Variants in GRID2 observed in about 807,000 individuals in gnomAD.
The protein encoded by GRID2 is glutamate receptor ionotropic, delta-2.
GRID2 carries 33 observed loss-of-function variants against 114.8 expected under a neutral mutation model. The ratio of observed to expected loss-of-function variants is 0.29; its 90% CI spans 0.22 to 0.38. The LOEUF (loss-of-function observed/expected upper bound fraction) is 0.38. Among genes scored for constraint, GRID2 ranks in the 10% least tolerant of loss-of-function variants. GRID2 has a pLI of 1.00. For synonymous variants in GRID2, 505 were observed against 449.9 expected (o/e 1.12, Z -1.55); for missense variants, 1,184 against 1,257.7 (o/e 0.94, Z 0.89).
At chr4:92,807,907 C>A (rs1441891986) in intron 2 of GRID2, among the ~76,000 whole-genome samples, 1 of 151,940 alleles carries the variant, frequency 6.6e-6, no homozygotes, top group Admixed American at 6.6e-5. Context: ...AATAATGTCT[C>A]CCCAATATGC....
At chr4:93,433,484 T>G (rs2149382772) in intron 10 of GRID2, among the ~76,000 whole-genome samples, 1 of 152,262 alleles carries the variant, frequency 6.6e-6, no homozygotes, top group South Asian at 2.1e-4. Context: ...CTTGAGTATC[T>G]AAGAAAGGCA....
At chr4:92,643,228 A>G (rs970196305) in intron 2 of GRID2, among the ~76,000 whole-genome samples, 4 of 151,812 alleles carry the variant, frequency 2.6e-5, no homozygotes, top group Non-Finnish European at 5.9e-5. Flanking sequence ...CTTCTAATCC[A>G]TGAACATGGA....
chr4:93,368,322 G>T (rs1762537840), intron 8 of GRID2, among the ~76,000 whole-genome samples: 1 of 152,044 alleles, frequency 6.6e-6, no homozygotes, highest in African/African-American at 2.4e-5. Flanking sequence ...CTATGGAAGG[G>T]GAAGTAATTA....
intron 14 of GRID2, among the ~76,000 whole-genome samples, chr4:93,651,460 T>C (rs1003290825): frequency 6.6e-6 from 1 of 152,202 alleles, no homozygotes; most frequent in Non-Finnish European, 1.5e-5. Flanking sequence ...AAGCGTATCT[T>C]TGAATCCTTA....
intron 8 of GRID2, among the ~76,000 whole-genome samples, chr4:93,370,466 C>A (rs145116402): frequency 6.7e-6 from 1 of 148,948 alleles, no homozygotes; most frequent in Non-Finnish European, 1.5e-5. Context: ...CACACAAACA[C>A]GCACACAGAG....
intron 8 of GRID2, among the ~76,000 whole-genome samples, chr4:93,379,401 A>G (rs1458157675): frequency 6.6e-6 from 1 of 152,050 alleles, no homozygotes; most frequent in African/African-American, 2.4e-5. Flanking sequence ...ACTGTATGTA[A>G]TCACACCTAG....
At chr4:92,429,342 G>A (rs768440698) in intron 1 of GRID2, among the ~76,000 whole-genome samples, 2 of 152,162 alleles carry the variant, frequency 1.3e-5, no homozygotes, top group Non-Finnish European at 2.9e-5. Flanking sequence ...GTGAGAACAT[G>A]TGAACTTTGT....
intron 14 of GRID2, among the ~76,000 whole-genome samples, chr4:93,668,374 T>C (rs766217732): frequency 1.2e-4 from 8 of 65,010 alleles, no homozygotes; most frequent in East Asian, 1.1e-3. Flanking sequence ...AGTTGTTCTC[T>C]TTTTTTTTGC....
chr4:92,568,952 T>C (rs1727479593), intron 1 of GRID2, among the ~76,000 whole-genome samples: 1 of 151,964 alleles, frequency 6.6e-6, no homozygotes, highest in Non-Finnish European at 1.5e-5. Flanking sequence ...ATGTACCACA[T>C]TTTCTTTCTT....
chr4:93,585,558 T>G (rs2149601807), intron 13 of GRID2, among the ~76,000 whole-genome samples: 1 of 152,226 alleles, frequency 6.6e-6, no homozygotes, highest in Middle Eastern at 3.4e-3. Flanking sequence ...ATTTGTAAAC[T>G]GCTTTCTTGT....
chr4:92,562,275 A>G (rs1727134547), intron 1 of GRID2, among the ~76,000 whole-genome samples: 1 of 152,178 alleles, frequency 6.6e-6, no homozygotes, highest in African/African-American at 2.4e-5. Flanking sequence ...CTGTTCTCTA[A>G]GTGCCATAGA....
intron 13 of GRID2, among the ~76,000 whole-genome samples, chr4:93,545,440 G>C (rs1560736477): frequency 6.6e-6 from 1 of 152,184 alleles, no homozygotes; most frequent in Non-Finnish European, 1.5e-5. Context: ...TCATATGCTA[G>C]GGGCAGGAAG....
At chr4:93,307,939 AT>A (rs60212324) in intron 8 of GRID2, among the ~76,000 whole-genome samples, 11,694 of 147,444 alleles carry the variant, frequency 0.079, 1,535 homozygotes, top group African/African-American at 0.27. Flanking sequence ...TTTCTTTCTG[AT>A]TTTTTTTTTT....
intron 8 of GRID2, among the ~76,000 whole-genome samples, chr4:93,275,619 A>G (rs1751973825): frequency 6.6e-6 from 1 of 151,746 alleles, no homozygotes; most frequent in African/African-American, 2.4e-5. Context: ...ATTTGTTATC[A>G]TTCTTATTAT....
intron 1 of GRID2, among the ~76,000 whole-genome samples, chr4:93,797,589 TA>T (rs1263461992): frequency 6.6e-6 from 1 of 152,142 alleles, no homozygotes; most frequent in Non-Finnish European, 1.5e-5. Flanking sequence ...AGGATAATTT[TA>T]AAATATCAAT....
intron 8 of GRID2, among the ~76,000 whole-genome samples, chr4:93,245,320 T>G (rs1190461816): frequency 6.6e-6 from 1 of 152,138 alleles, no homozygotes; most frequent in Non-Finnish European, 1.5e-5. Context: ...TTTCTTCTAT[T>G]TACATGAAAC....
intron 1 of GRID2, among the ~76,000 whole-genome samples, chr4:92,392,538 A>C (rs932010404): frequency 6.6e-6 from 1 of 152,084 alleles, no homozygotes; most frequent in Admixed American, 6.5e-5. Context: ...ACTCTGTCTC[A>C]AAATATATAT....
At chr4:92,757,499 T>C (rs1357306052) in intron 2 of GRID2, among the ~76,000 whole-genome samples, 5 of 152,096 alleles carry the variant, frequency 3.3e-5, no homozygotes, top group Non-Finnish European at 1.5e-5. Context: ...CAAAGGGAAG[T>C]TGACAAGAAA....
intron 4 of GRID2, among the ~76,000 whole-genome samples, chr4:93,128,965 G>T (rs987385312): frequency 6.6e-6 from 1 of 152,174 alleles, no homozygotes; most frequent in Non-Finnish European, 1.5e-5. Flanking sequence ...TTCTACCAGT[G>T]TTGGTTTGTA....
Sources: gnomAD v4.1 joint callset for allele counts (sites outside exome capture counted in the v4.1 genomes callset) on GRCh38, gnomAD v4.1.1 for gene constraint, MANE v1.5 for transcripts, NCBI Gene and HGNC (gene_info 2026-07-23, HGNC 2026-07-21) for gene names.